Variants in PREX2 observed in about 807,000 individuals in gnomAD.
PREX2 encodes the protein phosphatidylinositol-3,4,5-trisphosphate dependent Rac exchange factor 2.
In PREX2, 107 loss-of-function variants were observed where a neutral mutation model predicts 203.2. The ratio of observed to expected loss-of-function variants is 0.53; its 90% confidence interval spans 0.45 to 0.62. The LOEUF (loss-of-function observed/expected upper bound fraction) is 0.62, where lower values mean the gene tolerates loss of function less well. Among genes scored for constraint, PREX2 ranks in the 20% least tolerant of loss-of-function variants. The probability of loss-of-function intolerance (pLI) is 0.00; values close to 1 mark genes in which losing one functional copy is unlikely to be tolerated. For synonymous variants in PREX2, 672 were observed against 663.6 expected, an observed-to-expected ratio of 1.01 and a Z score of -0.19; for missense variants, 1,777 against 1,955.9, an observed-to-expected ratio of 0.91 and a Z score of 1.72.
At chr8:68,129,429 C>G (rs555053886) in intron 31 of PREX2, among the ~76,000 whole-genome samples, 15 of 152,052 alleles carry the variant, frequency 9.9e-5, no homozygotes, top group Non-Finnish European at 1.9e-4. Context: ...TAGGATGACA[C>G]CAAAACAGGA....
chr8:68,065,742 C>G (rs1435785950), intron 11 of PREX2, among the ~76,000 whole-genome samples: 6 of 152,138 alleles, frequency 3.9e-5, no homozygotes, highest in Admixed American at 3.9e-4. Flanking sequence ...ACAAATGTTG[C>G]ATTCCCTGTA....
intron 18 of PREX2, among the ~76,000 whole-genome samples, chr8:68,085,395 C>T (rs1311665977): frequency 6.6e-6 from 1 of 152,020 alleles, no homozygotes; most frequent in African/African-American, 2.4e-5. Context: ...TCCTTTATGT[C>T]CTTATTCTAA....
At chr8:68,191,844 T>G in intron 36 of PREX2, 56 bp downstream of exon 36, 3 of 1,201,244 alleles carry the variant, frequency 2.5e-6, no homozygotes, top group Non-Finnish European at 3.7e-6. Flanking sequence ...TCTCCCTTTT[T>G]AATTTTCTGC....
chr8:68,143,174 G>C (rs1343856705), intron 33 of PREX2, among the ~76,000 whole-genome samples: 1 of 152,096 alleles, frequency 6.6e-6, no homozygotes, highest in Non-Finnish European at 1.5e-5. Context: ...CAAATCTCAT[G>C]CTTAATTGTA....
intron 1 of PREX2, among the ~76,000 whole-genome samples, chr8:67,980,882 G>A (rs566487527): frequency 6.6e-6 from 1 of 152,314 alleles, no homozygotes; most frequent in South Asian, 2.1e-4. Flanking sequence ...AGTTAAGCCT[G>A]TTTCCTTTTA....
chr8:68,166,040 A>G lies in PREX2; in HGVS notation c.4346+8604A>G, dbSNP rs563693389. Among the ~76,000 whole-genome samples the G allele has an allele frequency of 1.1e-4, 16 of 152,344 alleles. 1 individual carries two copies. The South Asian group carries it at 3.3e-3, about 32-fold the overall frequency. On this transcript the variant is annotated intron_variant, in intron 35 of 39. Transcript: ENST00000288368. ...CCAAACCTCTGCTATAGACAGGGGC[A>G]GGAAAACTTTGACCTGAAGACCCTG...
intron 35 of PREX2, among the ~76,000 whole-genome samples, chr8:68,159,788 G>A (rs1451686459): frequency 1.3e-5 from 2 of 151,936 alleles, no homozygotes; most frequent in Non-Finnish European, 2.9e-5. Flanking sequence ...TCTTAAAAAA[G>A]AATACAGATT....
At chr8:68,105,044 A>G (rs1364599632) in intron 23 of PREX2, 2 of 898,566 alleles carry the variant, frequency 2.2e-6, no homozygotes, top group African/African-American at 3.5e-5. Context: ...CTAAAAAGAT[A>G]GGCAGATTGA....
In PREX2 at chr8:68,076,285, C is replaced by T. The variant is rs113434360; in HGVS notation, c.1570-1112C>T. On this transcript the variant is annotated intron_variant, in intron 14 of 39. Transcript: ENST00000288368. ...CAGCCTGGCCAACATGATGAAAGCC[C>T]GTCTCTACTAAAAATACAAAAATTA... Among the ~76,000 whole-genome samples, 1,497 of 152,000 alleles carry T rather than the reference C, an allele frequency of 9.8e-3. 22 individuals carry two copies. The highest frequency in any genetic ancestry group is 0.034 in the African/African-American group (1,402 of 41,450).
In PREX2 at chr8:68,047,487, A is replaced by G. The variant is rs909081213; in HGVS notation, c.943+2897A>G. On this transcript the variant is annotated intron_variant, in intron 8 of 39. Transcript: ENST00000288368. ...GATGAATTTATATATATATATATAT[A>G]TATATATATATATATATATACACAT... Among the ~76,000 whole-genome samples the G allele has an allele frequency of 1.9e-3, 206 of 106,138 alleles. 2 individuals carry two copies. Among genetic ancestry groups the G allele is most frequent in the African/African-American group, 0.013 (199 of 15,882 alleles). 69.6% of individuals were successfully genotyped at this position (106,138 alleles called of 152,430 possible).
chr8:68,161,305 G>A lies in PREX2; in HGVS notation c.4346+3869G>A, dbSNP rs376252142. Among the ~76,000 whole-genome samples the A allele has an allele frequency of 5.3e-5, 8 of 152,090 alleles. No individual in the cohort carries two copies. The East Asian group carries it at 9.7e-4, about 18-fold the overall frequency. On this transcript the variant is annotated intron_variant, in intron 35 of 39. Transcript: ENST00000288368. Reference sequence around the variant, plus strand: ...AGATGGGGTTTCACTATGTTGGCCAGGCTGGTCTCGAACTCCTGACCTCGT... The same window carrying A: ...AGATGGGGTTTCACTATGTTGGCCAAGCTGGTCTCGAACTCCTGACCTCGT...
At chr8:68,185,687 C>CATTA (rs1227046659) in intron 35 of PREX2, among the ~76,000 whole-genome samples, 3 of 122,748 alleles carry the variant, frequency 2.4e-5, no homozygotes, top group Admixed American at 7.8e-5. Context: ...TTACATTTTA[C>CATTA]CACCTCTCTC....
intron 37 of PREX2, among the ~76,000 whole-genome samples, chr8:68,215,518 T>C (rs907377075): frequency 6.8e-6 from 1 of 147,890 alleles, no homozygotes; most frequent in Non-Finnish European, 1.5e-5. Context: ...GGCAGTTAAA[T>C]GCTTTGTAGA....
chr8:68,194,571 TGAG>T (rs1812358397), intron 37 of PREX2, among the ~76,000 whole-genome samples: 1 of 151,508 alleles, frequency 6.6e-6, no homozygotes, highest in Non-Finnish European at 1.5e-5. Flanking sequence ...GTGGATCACT[TGAG>T]GAGGTCAGGA....
At chr8:67,990,569 G>T (rs1396483918) in intron 1 of PREX2, among the ~76,000 whole-genome samples, 1 of 151,306 alleles carries the variant, frequency 6.6e-6, no homozygotes, top group Non-Finnish European at 1.5e-5. Context: ...GAATGCAGTG[G>T]CATGATCTCA....
At chr8:68,160,760 T>A (rs1380456658) in intron 35 of PREX2, among the ~76,000 whole-genome samples, 31 of 152,276 alleles carry the variant, frequency 2.0e-4, no homozygotes, top group African/African-American at 7.2e-5. Flanking sequence ...AAGGCAAAAA[T>A]CTTTATTCTT....
chr8:68,215,069 T>TG (rs1812806877), intron 37 of PREX2, among the ~76,000 whole-genome samples: 1 of 152,226 alleles, frequency 6.6e-6, no homozygotes, highest in African/African-American at 2.4e-5. Flanking sequence ...AAATCACACT[T>TG]GGAGGTATCC....
At chr8:68,052,597 G>A (rs1808554773) in intron 8 of PREX2, among the ~76,000 whole-genome samples, 1 of 152,116 alleles carries the variant, frequency 6.6e-6, no homozygotes, top group African/African-American at 2.4e-5. Flanking sequence ...GCAATTTTAG[G>A]TAATTGCACT....
chr8:68,115,992 T>C, intron 26 of PREX2, 60 bp downstream of exon 26: 1 of 1,427,436 alleles, frequency 7.0e-7, no homozygotes, highest in Non-Finnish European at 9.4e-7. Flanking sequence ...TGCTGGATTT[T>C]CCACAAAGAT....
Sources: allele counts gnomAD v4.1 joint callset (sites outside exome capture counted in the v4.1 genomes callset), GRCh38; gene constraint gnomAD v4.1.1; transcripts MANE v1.5; gene names NCBI Gene and HGNC (gene_info 2026-07-23, HGNC 2026-07-21).